RERE: variants seen among roughly 807,000 people sequenced by gnomAD.
RERE encodes arginine-glutamic acid dipeptide repeats.
Under a neutral mutation model 146.1 loss-of-function variants are expected in RERE, and 40 were observed. The observed-to-expected ratio is 0.27, with a 90% CI of 0.21 to 0.36. The LOEUF (loss-of-function observed/expected upper bound fraction) is 0.36. Ranked by LOEUF, RERE falls within the 10% of genes least tolerant of loss-of-function variation. The pLI is 1.00. For synonymous variants in RERE, 1,003 were observed against 866.0 expected (o/e 1.16, Z -2.78); for missense variants, 1,933 against 2,138.7 (o/e 0.90, Z 1.90).
chr1:8,547,074 C>T (rs2124403638), intron 6 of RERE, among the ~76,000 whole-genome samples: 1 of 94,224 alleles, frequency 1.1e-5, no homozygotes, highest in South Asian at 3.5e-4. Flanking sequence ...CAAATACCAA[C>T]AAGCTTTTTT....
chr1:8,418,141 T>C (rs1643828470), intron 12 of RERE, among the ~76,000 whole-genome samples: 1 of 152,222 alleles, frequency 6.6e-6, no homozygotes, highest in African/African-American at 2.4e-5. Context: ...CTTCTCTTTA[T>C]AGATACCCTA....
intron 1 of RERE, among the ~76,000 whole-genome samples, chr1:8,743,457 G>A (rs965553170): frequency 3.4e-5 from 5 of 149,180 alleles, no homozygotes; most frequent in South Asian, 2.2e-4. Flanking sequence ...TAGTAGAGAC[G>A]GGGTTTCACC....
intron 10 of RERE, among the ~76,000 whole-genome samples, chr1:8,468,395 G>A (rs960322031): frequency 2.6e-5 from 4 of 152,092 alleles, no homozygotes; most frequent in African/African-American, 7.2e-5. Flanking sequence ...TAACACAATG[G>A]GGGTTTATAA....
At chr1:8,509,686 T>C (rs1187009376) in intron 7 of RERE, among the ~76,000 whole-genome samples, 1 of 152,164 alleles carries the variant, frequency 6.6e-6, no homozygotes, top group Admixed American at 6.5e-5. Context: ...CGCACGCCTG[T>C]AGACCCAGTT....
chr1:8,638,923 G>A (rs1364322101), intron 2 of RERE, among the ~76,000 whole-genome samples: 1 of 149,872 alleles, frequency 6.7e-6, no homozygotes, highest in Admixed American at 6.7e-5. Flanking sequence ...ACAGGCACCC[G>A]CCAACACGCC....
intron 6 of RERE, among the ~76,000 whole-genome samples, chr1:8,551,706 C>T (rs1049878090): frequency 1.3e-5 from 2 of 152,128 alleles, no homozygotes; most frequent in African/African-American, 4.8e-5. Context: ...CACTCCTTAC[C>T]ATACTGGATG....
intron 1 of RERE, among the ~76,000 whole-genome samples, chr1:8,746,673 T>C (rs1390259247): frequency 6.6e-6 from 1 of 151,846 alleles, no homozygotes; most frequent in African/African-American, 2.4e-5. Context: ...CGAGTCATGA[T>C]CGTGGTCTGA....
intron 7 of RERE, among the ~76,000 whole-genome samples, chr1:8,516,809 G>T (rs1284861916): frequency 6.6e-6 from 1 of 152,134 alleles, no homozygotes; most frequent in Non-Finnish European, 1.5e-5. Flanking sequence ...ATGATCAAAA[G>T]AATTTTTTTA....
intron 1 of RERE, among the ~76,000 whole-genome samples, chr1:8,716,233 T>C (rs1004370197): frequency 7.0e-6 from 1 of 142,956 alleles, no homozygotes; most frequent in African/African-American, 2.6e-5. Context: ...GAGGCCAAGG[T>C]GGCAGGATCA....
At chr1:8,745,810 CG>C (rs1335956083) in intron 1 of RERE, among the ~76,000 whole-genome samples, 2 of 152,276 alleles carry the variant, frequency 1.3e-5, no homozygotes, top group African/African-American at 4.8e-5. Context: ...TGGCTCACAC[CG>C]GTAATACTAG....
chr1:8,484,874 C>T (rs1644878890), intron 10 of RERE, among the ~76,000 whole-genome samples: 1 of 152,184 alleles, frequency 6.6e-6, no homozygotes, highest in Admixed American at 6.5e-5. Context: ...ACATCTTCTT[C>T]CTCTACAGCG....
In RERE at chr1:8,697,487, GGTTCAC is replaced by G. The variant is rs1453860967; in HGVS notation, c.-144-41052_-144-41047del. On this transcript the variant is annotated intron_variant, in intron 1 of 22. Coordinates refer to ENST00000400908, the MANE Select transcript of RERE (RefSeq NM_001042681.2). The stretch of plus-strand genomic sequence containing the variant: ...AGCTCACTGCAAGCTCCGCCTCCCA[GGTTCAC>G]GTCATTCTCCTGCCTCCGCCTACCG... 4.6e-4 allele frequency among the ~76,000 whole-genome samples: 69 copies of G among 148,850 alleles called. 1 individual carries two copies. Among genetic ancestry groups the G allele is most frequent in the Admixed American group, 2.7e-3 (39 of 14,686 alleles).
chr1:8,395,130 C>A (rs562683074), intron 12 of RERE, among the ~76,000 whole-genome samples: 3 of 152,124 alleles, frequency 2.0e-5, no homozygotes, highest in Non-Finnish European at 4.4e-5. Context: ...CCTTCTCCTG[C>A]CCACAGAATA....
rs1347895533 is a variant in RERE at position 8,366,923 on chromosome 1, A to AC, written c.1285-950_1285-949insG. Among the ~76,000 whole-genome samples, 7 of 149,560 alleles carry AC rather than the reference A, an allele frequency of 4.7e-5. 1 individual carries two copies. Among genetic ancestry groups the AC allele is most frequent in the South Asian group, 2.1e-4 (1 of 4,756 alleles). ...AGAACTGAAAAAAAAAAACAAAAAA[A>AC]AAAAACAAAAAAAAAAAACCCAAAA... On this transcript the variant is annotated intron_variant, in intron 12 of 22. Transcript: ENST00000400908.
chr1:8,541,353 C>T (rs762133037), intron 6 of RERE, 35 bp from the exon 7 acceptor site: 20 of 1,386,150 alleles, frequency 1.4e-5, no homozygotes, highest in Admixed American at 5.2e-5. Flanking sequence ...TAGTAATACC[C>T]TCAACTGCTT....
At chr1:8,603,546 ATTGGTT>A (rs1646659869) in intron 4 of RERE, among the ~76,000 whole-genome samples, 2 of 152,166 alleles carry the variant, frequency 1.3e-5, no homozygotes, top group African/African-American at 4.8e-5. Context: ...TCAGAACTTT[ATTGGTT>A]TTGTAGTTTG....
intron 8 of RERE, among the ~76,000 whole-genome samples, chr1:8,501,007 C>T (rs1369271068): frequency 1.4e-5 from 2 of 140,874 alleles, no homozygotes; most frequent in Admixed American, 7.0e-5. Context: ...GGAGCGTCTC[C>T]GCCCGGCAGC....
At chr1:8,784,266 A>G (rs528564036) in intron 1 of RERE, among the ~76,000 whole-genome samples, 6 of 152,252 alleles carry the variant, frequency 3.9e-5, no homozygotes, top group South Asian at 2.1e-4. Context: ...CATCCTCTCC[A>G]TGAGGCCTAT....
chr1:8,723,874 A>G (rs949730806), intron 1 of RERE, among the ~76,000 whole-genome samples: 3 of 152,354 alleles, frequency 2.0e-5, no homozygotes, highest in Admixed American at 6.5e-5. Context: ...CATTGTATAA[A>G]TCATTAGGTG....
Sources: allele counts gnomAD v4.1 joint callset (sites outside exome capture counted in the v4.1 genomes callset), GRCh38; gene constraint gnomAD v4.1.1; transcripts MANE v1.5; gene names NCBI Gene and HGNC (gene_info 2026-07-23, HGNC 2026-07-21).